Variants in TSGA10 observed in about 807,000 individuals in gnomAD.
TSGA10 encodes testis specific 10, also known as testis-specific gene 10 protein.
Under a neutral mutation model 96.6 loss-of-function variants are expected in TSGA10, and 43 were observed. The observed-to-expected ratio is 0.44, with a 90% CI of 0.35 to 0.57. The LOEUF (loss-of-function observed/expected upper bound fraction) is 0.57, where lower values mean the gene tolerates loss of function less well. Ranked by LOEUF, TSGA10 falls within the 20% of genes least tolerant of loss-of-function variation. The pLI, the probability that TSGA10 is intolerant of heterozygous loss-of-function variation, is 0.01. For synonymous variants in TSGA10, 229 were observed against 269.9 expected (o/e 0.85, Z 1.48); for missense variants, 703 against 834.4 (o/e 0.84, Z 1.94).
Position 99,018,181 on chromosome 2 carries a change from G to A in TSGA10, c.2072+19C>T, listed in dbSNP as rs778964979. 1 of 1,613,290 alleles carries A rather than the reference G, an allele frequency of 6.2e-7. No individual in the cohort carries two copies. ...ACTGCTATTTGATCTCAAGAGAATG[G>A]ATCCTTAAATAGACTCACTCTTCTA... On this transcript the variant is annotated intron_variant, in intron 20 of 20. Transcript: ENST00000393483.
chr2:99,009,010 G>A (rs984595753), intron 20 of TSGA10, among the ~76,000 whole-genome samples: 4 of 152,156 alleles, frequency 2.6e-5, no homozygotes, highest in African/African-American at 9.7e-5. Context: ...GTGGAGGCAT[G>A]GCTGATGGGA....
At chr2:99,115,856 G>A (rs923472830) in intron 4 of TSGA10, among the ~76,000 whole-genome samples, 2 of 152,120 alleles carry the variant, frequency 1.3e-5, no homozygotes, top group Non-Finnish European at 2.9e-5. Flanking sequence ...TCCAGCCTGG[G>A]TGACAGACGG....
At chr2:99,150,999 T>TGAAA (rs2093688356) in intron 1 of TSGA10, 1 of 500,184 alleles carries the variant, frequency 2.0e-6, no homozygotes. Flanking sequence ...TTTATGATGC[T>TGAAA]TATTCAAAAG....
intron 2 of TSGA10, among the ~76,000 whole-genome samples, chr2:99,120,980 A>T (rs34272114): frequency 6.6e-6 from 1 of 152,002 alleles, no homozygotes; most frequent in Non-Finnish European, 1.5e-5. Context: ...GATCCACGCA[A>T]GTTGTTATTT....
chr2:99,103,892 A>C (rs920861340), intron 10 of TSGA10, 75 bp downstream of exon 10: 1 of 1,495,136 alleles, frequency 6.7e-7, no homozygotes, highest in African/African-American at 1.4e-5. Flanking sequence ...AATAATTTTC[A>C]TTATAAAATA....
chr2:99,074,181 T>C (rs928430272), intron 12 of TSGA10, among the ~76,000 whole-genome samples: 1 of 151,868 alleles, frequency 6.6e-6, no homozygotes, highest in Non-Finnish European at 1.5e-5. Flanking sequence ...CCCAGCTAAT[T>C]TTTTGTATAC....
intron 8 of TSGA10, 34 bp downstream of exon 8, chr2:99,105,493 C>T (rs2091250206): frequency 6.2e-7 from 1 of 1,613,292 alleles, no homozygotes; most frequent in Non-Finnish European, 8.5e-7. Context: ...ATTTGTGTTT[C>T]ACATATATTC....
At chr2:99,102,147 C>A (rs2090838002) in intron 10 of TSGA10, 5 of 1,479,166 alleles carry the variant, frequency 3.4e-6, no homozygotes, top group Non-Finnish European at 4.7e-6. Flanking sequence ...GATCATGGAG[C>A]TGATGAATAT....
chr2:99,076,653 C>T (rs1004736999), intron 12 of TSGA10, among the ~76,000 whole-genome samples: 13 of 152,056 alleles, frequency 8.5e-5, no homozygotes, highest in African/African-American at 3.1e-4. Flanking sequence ...GACTGTATGC[C>T]TATCCCATCT....
chr2:99,104,243 AG>A, intron 9 of TSGA10, 125 bp from the exon 10 acceptor site: 6 of 1,048,236 alleles, frequency 5.7e-6, no homozygotes, highest in Non-Finnish European at 8.2e-6. Flanking sequence ...TTATCAGGTT[AG>A]ACCTGACTGC....
intron 17 of TSGA10, among the ~76,000 whole-genome samples, chr2:99,034,014 A>G (rs936491778): frequency 1.3e-4 from 20 of 152,122 alleles, no homozygotes; most frequent in African/African-American, 4.6e-4. Flanking sequence ...ATTACTTCCC[A>G]ATCACAAAAG....
chr2:99,023,816 A>G (rs967107304), intron 17 of TSGA10, among the ~76,000 whole-genome samples: 4 of 152,300 alleles, frequency 2.6e-5, no homozygotes, highest in Admixed American at 2.6e-4. Flanking sequence ...CAGTTTTGAA[A>G]TCAGGGAAGT....
chr2:99,143,029 A>G (rs550050625), intron 1 of TSGA10, among the ~76,000 whole-genome samples: 3 of 151,944 alleles, frequency 2.0e-5, no homozygotes, highest in South Asian at 4.2e-4. Flanking sequence ...TTTTTTTCCT[A>G]TCAAGAACTG....
intron 14 of TSGA10, among the ~76,000 whole-genome samples, chr2:99,070,659 T>C (rs1243701876): frequency 6.6e-6 from 1 of 152,150 alleles, no homozygotes; most frequent in Non-Finnish European, 1.5e-5. Flanking sequence ...AAATAAGATA[T>C]ATCCACCTTT....
chr2:99,144,513 G>A (rs193084470), intron 1 of TSGA10, among the ~76,000 whole-genome samples: 10 of 152,000 alleles, frequency 6.6e-5, no homozygotes, highest in East Asian at 5.9e-4. Context: ...GGCGGGGCAC[G>A]GTGGCTCATG....
intron 20 of TSGA10, among the ~76,000 whole-genome samples, chr2:99,004,513 C>T (rs997678281): frequency 1.6e-4 from 24 of 152,234 alleles, no homozygotes; most frequent in Non-Finnish European, 2.9e-4. Context: ...ACTACAAACA[C>T]CTCTACGCAA....
chr2:99,038,181 A>G (rs754306774), intron 16 of TSGA10, among the ~76,000 whole-genome samples: 11 of 152,200 alleles, frequency 7.2e-5, no homozygotes, highest in Non-Finnish European at 1.3e-4. Flanking sequence ...AAACCTTGAA[A>G]TACACCAAAA....
At chr2:99,072,958 C>T in intron 13 of TSGA10, 60 bp downstream of exon 13, 1 of 1,168,302 alleles carries the variant, frequency 8.6e-7, no homozygotes. Flanking sequence ...TATCTTTGTA[C>T]CTAACATGGT....
Position 99,018,202 on chromosome 2 carries a change from T to C in TSGA10, c.2070A>G (p.Glu690=). 1 of 1,613,986 alleles carries C rather than the reference T, an allele frequency of 6.2e-7. No individual in the cohort carries two copies. The highest frequency in any genetic ancestry group is 8.5e-7 in the Non-Finnish European group (1 of 1,179,988). The change falls in exon 20 of 21, where the codon GAA becomes GAG. Residue 690 remains glutamate (E), a splice_region_variant and synonymous_variant. Transcript: ENST00000393483. ...AATGGATCCTTAAATAGACTCACTC[T>C]TCTAATGATCGATCTAGGCCTCGGT... ...SPDRGLDRSL[E]ENLCYRDF is the part of the protein sequence containing the mutation.
Sources: gnomAD v4.1 joint callset for allele counts (sites outside exome capture counted in the v4.1 genomes callset) on GRCh38, gnomAD v4.1.1 for gene constraint, MANE v1.5 for transcripts, NCBI Gene and HGNC (gene_info 2026-07-23, HGNC 2026-07-21) for gene names.